ARIH1: variants seen among roughly 807,000 people sequenced by gnomAD.
ARIH1 encodes E3 ubiquitin-protein ligase ARIH1.
Under a neutral mutation model 85.0 loss-of-function variants are expected in ARIH1, and 8 were observed. The ratio of observed to expected loss-of-function variants is 0.09; its 90% CI spans 0.06 to 0.17. ARIH1 has a LOEUF of 0.17. Ranked by LOEUF, ARIH1 falls within the 10% of genes least tolerant of loss-of-function variation. The probability of loss-of-function intolerance (pLI) is 1.00; values close to 1 mark genes in which losing one functional copy is unlikely to be tolerated. For synonymous variants in ARIH1, 238 were observed against 253.6 expected, an observed-to-expected ratio of 0.94 and a Z score of 0.59; for missense variants, 311 against 718.1, an observed-to-expected ratio of 0.43 and a Z score of 6.48.
At position 72,583,465 on chromosome 15, in the gene ARIH1, A is replaced by G. The variant is rs1595876162; in HGVS notation, c.*173A>G. 1 of 530,782 alleles carries G rather than the reference A, an allele frequency of 1.9e-6. No individual in the cohort carries two copies. The highest frequency in any genetic ancestry group is 3.3e-6 in the Non-Finnish European group (1 of 300,630). The allele number at this position is 530,782 out of a possible 1,614,324, so 32.9% of individuals were successfully genotyped here. A position where few individuals can be genotyped will look rare whatever the true frequency, so the allele number is the denominator to read the frequency against. On this transcript the variant is annotated 3_prime_UTR_variant, in exon 14 of 14. Transcript: ENST00000379887. Reference sequence around the variant, plus strand: ...TTAAGTAAATTATATTGTAATAAAAAGGTAGATAAACCATTGTACAACAGT... The same window carrying G: ...TTAAGTAAATTATATTGTAATAAAAGGGTAGATAAACCATTGTACAACAGT...
chr15:72,572,089 C>G lies in ARIH1; in HGVS notation c.1158-19C>G, dbSNP rs1426565791. ...TTGATTTTTTTTTTCTTTATGGAAT[C>G]CTCTTTATTTACTTGAAGGTACAAC... On this transcript the variant is annotated intron_variant, in intron 10 of 13. Transcript: ENST00000379887. The G allele has an allele frequency of 4.6e-6, 7 of 1,510,452 alleles. No individual in the cohort carries two copies. The highest frequency in any genetic ancestry group is 6.3e-6 in the Non-Finnish European group (7 of 1,117,390). 93.6% of individuals were successfully genotyped at this position (1,510,452 alleles called of 1,614,324 possible).
intron 3 of ARIH1, among the ~76,000 whole-genome samples, chr15:72,549,245 A>G (rs1312360931): frequency 6.6e-6 from 1 of 150,938 alleles, no homozygotes; most frequent in African/African-American, 2.4e-5. Flanking sequence ...CCACCACCAC[A>G]CCTGTCTAAT....
intron 2 of ARIH1, among the ~76,000 whole-genome samples, chr15:72,539,430 T>G (rs1232742768): frequency 6.7e-6 from 1 of 149,294 alleles, no homozygotes; most frequent in African/African-American, 2.5e-5. Context: ...CAACAGAAGG[T>G]GAAAAGGGAA....
chr15:72,556,598 A>G (rs2064175815), intron 5 of ARIH1, among the ~76,000 whole-genome samples: 1 of 152,144 alleles, frequency 6.6e-6, no homozygotes, highest in Non-Finnish European at 1.5e-5. Flanking sequence ...AGGTTCAGGT[A>G]TACATGTGCA....
chr15:72,532,534 A>C (rs769311587), intron 2 of ARIH1, among the ~76,000 whole-genome samples: 8 of 152,192 alleles, frequency 5.3e-5, no homozygotes, highest in Non-Finnish European at 1.0e-4. Context: ...ATTCTAAAGA[A>C]CAGAAAAATA....
chr15:72,474,475 C>T lies in ARIH1; in HGVS notation c.-165C>T, dbSNP rs2063784713. 3 of 912,840 alleles carry T rather than the reference C, an allele frequency of 3.3e-6. No individual in the cohort carries two copies. The highest frequency in any genetic ancestry group is 3.1e-6 in the Non-Finnish European group (2 of 639,440). The allele number at this position is 912,840 out of a possible 1,614,324, so 56.5% of individuals were successfully genotyped here. On this transcript the variant is annotated 5_prime_UTR_variant, in exon 1 of 14. Coordinates refer to ENST00000379887, the MANE Select transcript of ARIH1 (RefSeq NM_005744.5). ...TCCGCGCCCTCCCCGCCGCCACCAGCCGTCAAACGCCAACCGCCGCTCCTG... is the reference window on the plus strand; with the variant it reads ...TCCGCGCCCTCCCCGCCGCCACCAGTCGTCAAACGCCAACCGCCGCTCCTG...
chr15:72,576,729 A>G (rs1192285575), intron 11 of ARIH1, among the ~76,000 whole-genome samples: 2 of 152,054 alleles, frequency 1.3e-5, no homozygotes, highest in African/African-American at 4.8e-5. Context: ...TGCTTTGATA[A>G]CAATATACTT....
At chr15:72,531,989 C>T (rs2064059291) in intron 2 of ARIH1, among the ~76,000 whole-genome samples, 1 of 152,000 alleles carries the variant, frequency 6.6e-6, no homozygotes, top group Non-Finnish European at 1.5e-5. Context: ...GAATTTATAA[C>T]CTTAAATGCA....
In ARIH1 at chr15:72,592,895, T is replaced by A. The variant is rs2064348594; in HGVS notation, c.*9603T>A. 1 of 152,178 alleles carries A rather than the reference T, an allele frequency of 6.6e-6. No individual in the cohort carries two copies. The highest frequency in any genetic ancestry group is 1.5e-5 in the Non-Finnish European group (1 of 68,020). The allele number at this position is 152,178 out of a possible 1,614,324, so 9.4% of individuals were successfully genotyped here. A position where few individuals can be genotyped will look rare whatever the true frequency, so the allele number is the denominator to read the frequency against. On this transcript the variant is annotated 3_prime_UTR_variant, in exon 14 of 14. Transcript: ENST00000379887. ...ATTCTTACACAGCCTTTTGTTTTTG[T>A]TTTTTGTGGATATACATCTTCACTT...
In ARIH1 at chr15:72,593,157, ATGAGT is replaced by A. The variant is rs1234612329; in HGVS notation, c.*9870_*9874del. On this transcript the variant is annotated 3_prime_UTR_variant, in exon 14 of 14. Coordinates refer to ENST00000379887, the MANE Select transcript of ARIH1 (RefSeq NM_005744.5). ...AATTTACATTACATTTCCCTGATTA[ATGAGT>A]TGAGCACTTTTTCATATGCTTATTT... The A allele has an allele frequency of 2.6e-5, 4 of 152,316 alleles. No individual in the cohort carries two copies. The highest frequency in any genetic ancestry group is 2.1e-4 in the South Asian group (1 of 4,830). The allele number at this position is 152,316 out of a possible 1,614,324, so 9.4% of individuals were successfully genotyped here. A position where few individuals can be genotyped will look rare whatever the true frequency, so the allele number is the denominator to read the frequency against.
chr15:72,514,323 A>G (rs1386861643), intron 1 of ARIH1, among the ~76,000 whole-genome samples: 1 of 152,176 alleles, frequency 6.6e-6, no homozygotes, highest in East Asian at 1.9e-4. Flanking sequence ...CATATCTTCA[A>G]GTTCACTGAC....
rs1331968128 is a variant in ARIH1 at position 72,601,914 on chromosome 15, A to G, written c.*18622A>G. 2.6e-5 allele frequency: 4 copies of G among 152,218 alleles called. No homozygotes were observed. Among genetic ancestry groups the G allele is most frequent in the Non-Finnish European group, 5.9e-5 (4 of 68,048 alleles). 9.4% of individuals were successfully genotyped at this position (152,218 alleles called of 1,614,324 possible). A position where few individuals can be genotyped will look rare whatever the true frequency, so the allele number is the denominator to read the frequency against. On this transcript the variant is annotated 3_prime_UTR_variant, in exon 14 of 14. Coordinates refer to ENST00000379887, the MANE Select transcript of ARIH1 (RefSeq NM_005744.5). ...TTTCTAAGTATACAAGCAATTATGT[A>G]TATAATATTCCTCTTTATTTTTGCC... is the stretch of plus-strand genomic sequence containing the variant.
chr15:72,532,648 TACAC>T (rs1284626801), intron 2 of ARIH1, among the ~76,000 whole-genome samples: 2 of 152,042 alleles, frequency 1.3e-5, no homozygotes, highest in Non-Finnish European at 2.9e-5. Context: ...AAACCATACA[TACAC>T]ACACGCACGC....
At chr15:72,481,092 G>A (rs1220020388) in intron 1 of ARIH1, among the ~76,000 whole-genome samples, 1 of 152,200 alleles carries the variant, frequency 6.6e-6, no homozygotes, top group Non-Finnish European at 1.5e-5. Context: ...GCAGGCACAT[G>A]TGTTTTGAAG....
At chr15:72,511,812 G>C (rs2063951723) in intron 1 of ARIH1, among the ~76,000 whole-genome samples, 1 of 152,098 alleles carries the variant, frequency 6.6e-6, no homozygotes, top group African/African-American at 2.4e-5. Context: ...GAGAGTGACT[G>C]GGCAGCTGGC....
chr15:72,504,599 C>T (rs1048084033), intron 1 of ARIH1, among the ~76,000 whole-genome samples: 2 of 152,018 alleles, frequency 1.3e-5, no homozygotes, highest in Non-Finnish European at 2.9e-5. Context: ...TTCTCTCGTT[C>T]GTCTTTATCT....
intron 1 of ARIH1, among the ~76,000 whole-genome samples, chr15:72,493,015 T>C (rs540073370): frequency 4.6e-5 from 7 of 152,286 alleles, no homozygotes; most frequent in Admixed American, 2.0e-4. Flanking sequence ...GCCAACCACA[T>C]ATCAAGTACT....
At position 72,479,739 on chromosome 15, in the gene ARIH1, C is replaced by T. The variant is rs1042623465; in HGVS notation, c.375+4725C>T. Among the ~76,000 whole-genome samples the T allele has an allele frequency of 6.6e-5, 10 of 151,918 alleles. No homozygotes were observed. The East Asian group carries it at 1.8e-3, about 27-fold the overall frequency. On this transcript the variant is annotated intron_variant, in intron 1 of 13. Coordinates refer to ENST00000379887, the MANE Select transcript of ARIH1 (RefSeq NM_005744.5). ...CATTTTAAAGAAAAAAATATCTAAG[C>T]CTTACTGAAGAAATTTTCTGTTGGC...
intron 9 of ARIH1, among the ~76,000 whole-genome samples, chr15:72,567,886 A>G (rs1055146580): frequency 3.7e-4 from 56 of 152,208 alleles, no homozygotes; most frequent in African/African-American, 1.3e-3. Context: ...GATGCTTTAA[A>G]GAATGCTGAG....
Sources: allele counts gnomAD v4.1 joint callset (sites outside exome capture counted in the v4.1 genomes callset), GRCh38; gene constraint gnomAD v4.1.1; transcripts MANE v1.5; gene names NCBI Gene and HGNC (gene_info 2026-07-23, HGNC 2026-07-21).